FBXO8: variants seen among roughly 807,000 people sequenced by gnomAD.
FBXO8 encodes the protein F-box only protein 8.
In FBXO8, 15 loss-of-function variants were observed where a neutral mutation model predicts 33.4. That is an observed-to-expected ratio of 0.45 (90% CI 0.30 to 0.69). The LOEUF (loss-of-function observed/expected upper bound fraction) is 0.69. Among genes scored for constraint, FBXO8 ranks in the 30% least tolerant of loss-of-function variants. FBXO8 has a pLI of 0.08. For synonymous variants in FBXO8, 132 were observed against 131.5 expected (o/e 1.00, Z -0.02); for missense variants, 274 against 380.3 (o/e 0.72, Z 2.32).
At position 174,261,625 on chromosome 4, in the gene FBXO8, C is replaced by T. The variant is rs889331450; in HGVS notation, c.329+1139G>A. Among the ~76,000 whole-genome samples the T allele has an allele frequency of 1.3e-5, 2 of 151,898 alleles. No homozygotes were observed. The highest frequency in any genetic ancestry group is 6.6e-5 in the Admixed American group (1 of 15,246). ...ACTCCTCATTAACAGAATTTCCTCTCACGTAGTACTTTCACTATGTCAAAC... is the reference window on the plus strand; with the variant it reads ...ACTCCTCATTAACAGAATTTCCTCTTACGTAGTACTTTCACTATGTCAAAC... On this transcript the variant is annotated intron_variant, in intron 2 of 5. Coordinates refer to ENST00000393674, the MANE Select transcript of FBXO8 (RefSeq NM_012180.3). This position sits in a 1 kb window ranked among gnomAD's most constrained non-coding sequence, Gnocchi z 4.1.
In FBXO8 at chr4:174,265,711, A is replaced by C. The variant is rs539085653; in HGVS notation, c.-8-2611T>G. Among the ~76,000 whole-genome samples, 55 of 152,320 alleles carry C rather than the reference A, an allele frequency of 3.6e-4. No homozygotes were observed. The South Asian group carries it at 5.0e-3, about 14-fold the overall frequency. ...CGTACAAAAAATAGAGAATGTCAAC[A>C]AAAAATTATAAGTACAAGTTTTATA... On this transcript the variant is annotated intron_variant, in intron 1 of 5. Transcript: ENST00000393674. The surrounding 1 kb of genome is among the most constrained non-coding windows in gnomAD (Gnocchi z 4.7).
Position 174,262,214 on chromosome 4 carries a change from C to T in FBXO8, c.329+550G>A, listed in dbSNP as rs1317516109. Reference sequence around the variant, plus strand: ...AATATTTGCCTACTTCATTGAAATGCTGGTTAGAAAAAAAAAGTAGATAAA... The same window carrying T: ...AATATTTGCCTACTTCATTGAAATGTTGGTTAGAAAAAAAAAGTAGATAAA... On this transcript the variant is annotated intron_variant, in intron 2 of 5. Coordinates refer to ENST00000393674, the MANE Select transcript of FBXO8 (RefSeq NM_012180.3). This position sits in a 1 kb window ranked among gnomAD's most constrained non-coding sequence, Gnocchi z 4.6. Among the ~76,000 whole-genome samples, 2 of 151,798 alleles carry T rather than the reference C, an allele frequency of 1.3e-5. No individual in the cohort carries two copies. The highest frequency in any genetic ancestry group is 2.4e-5 in the African/African-American group (1 of 41,300).
chr4:174,253,424 T>C lies in FBXO8; in HGVS notation c.456+6275A>G, dbSNP rs2332836. Among the ~76,000 whole-genome samples, 53,518 of 151,992 alleles carry C rather than the reference T, an allele frequency of 0.35. 10,844 individuals carry two copies. The highest frequency in any genetic ancestry group is 0.47 in the Non-Finnish European group (31,801 of 67,932). Reference sequence around the variant, plus strand: ...TTAAAATTTTGATATGTTTGCTTAGTAGCAGGAAGACCTAAACTGGCAAGA... The same window carrying C: ...TTAAAATTTTGATATGTTTGCTTAGCAGCAGGAAGACCTAAACTGGCAAGA... On this transcript the variant is annotated intron_variant, in intron 3 of 5. Transcript: ENST00000393674. The surrounding 1 kb of genome is among the most constrained non-coding windows in gnomAD (Gnocchi z 4.5).
In FBXO8 at chr4:174,277,257, A is replaced by G. The variant is rs534004947; in HGVS notation, c.-9+6153T>C. ...CTATGTTTTGTTTCCTATTCAAAAT[A>G]GTAGACTATTTCTTAAAAAGACTAA... On this transcript the variant is annotated intron_variant, in intron 1 of 5. Transcript: ENST00000393674. The surrounding 1 kb of genome is among the most constrained non-coding windows in gnomAD (Gnocchi z 4.9). Among the ~76,000 whole-genome samples, 135 of 152,316 alleles carry G rather than the reference A, an allele frequency of 8.9e-4. No homozygotes were observed. Among genetic ancestry groups the G allele is most frequent in the African/African-American group, 2.4e-3 (98 of 41,584 alleles).
In FBXO8 at chr4:174,277,011, T is replaced by C. The variant is rs772476314; in HGVS notation, c.-9+6399A>G. Among the ~76,000 whole-genome samples, 52 of 152,200 alleles carry C rather than the reference T, an allele frequency of 3.4e-4. 1 individual carries two copies. Among genetic ancestry groups the C allele is most frequent in the Non-Finnish European group, 5.1e-4 (35 of 68,028 alleles). ...TGTAGTTTCTGAAACAGCTATATTG[T>C]TCTGACATAATTTTGGATGTATTTT... On this transcript the variant is annotated intron_variant, in intron 1 of 5. Transcript: ENST00000393674. This position sits in a 1 kb window ranked among gnomAD's most constrained non-coding sequence, Gnocchi z 4.9.
Position 174,277,553 on chromosome 4 carries a change from G to A in FBXO8, c.-9+5857C>T, listed in dbSNP as rs944281593. On this transcript the variant is annotated intron_variant, in intron 1 of 5. Transcript: ENST00000393674. This position sits in a 1 kb window ranked among gnomAD's most constrained non-coding sequence, Gnocchi z 4.9. ...AGATGGCAAGAATAGAAAGGAGTCC[G>A]GATGTCTCAAAAAAGCATTCTGCTT... Among the ~76,000 whole-genome samples, 2 of 152,100 alleles carry A rather than the reference G, an allele frequency of 1.3e-5. No individual in the cohort carries two copies. Among genetic ancestry groups the A allele is most frequent in the African/African-American group, 2.4e-5 (1 of 41,450 alleles).
chr4:174,272,625 TAGAA>T lies in FBXO8; in HGVS notation c.-8-9529_-8-9526del, dbSNP rs986327140. Among the ~76,000 whole-genome samples the T allele has an allele frequency of 1.4e-4, 22 of 152,164 alleles. No homozygotes were observed. The South Asian group carries it at 3.9e-3, about 27-fold the overall frequency. On this transcript the variant is annotated intron_variant, in intron 1 of 5. Transcript: ENST00000393674. The surrounding 1 kb of genome is among the most constrained non-coding windows in gnomAD (Gnocchi z 4.7). ...AGAGTAGAATTCTAATTAAAGAAGA[TAGAA>T]AGAATAATGTAGTTAGAAAAATTAT...
At position 174,265,268 on chromosome 4, in the gene FBXO8, TA is replaced by T. The variant is rs1316485472; in HGVS notation, c.-8-2169del. On this transcript the variant is annotated intron_variant, in intron 1 of 5. Transcript: ENST00000393674. The surrounding 1 kb of genome is among the most constrained non-coding windows in gnomAD (Gnocchi z 4.7). ...CTTTTTATTTAGGTATTTACCTAAT[TA>T]AAAGCTTTTTATTTAGGTATTTACC... is the stretch of plus-strand genomic sequence containing the variant. Among the ~76,000 whole-genome samples, 2 of 95,224 alleles carry T rather than the reference TA, an allele frequency of 2.1e-5. No homozygotes were observed. Among genetic ancestry groups the T allele is most frequent in the Non-Finnish European group, 4.9e-5 (2 of 40,926 alleles). The allele number at this position is 95,224 out of a possible 152,430, so 62.5% of individuals were successfully genotyped here. A position where few individuals can be genotyped will look rare whatever the true frequency, so the allele number is the denominator to read the frequency against.
intron 3 of FBXO8, among the ~76,000 whole-genome samples, chr4:174,243,317 A>G (rs1167708578): frequency 1.3e-5 from 2 of 151,410 alleles, no homozygotes; most frequent in African/African-American, 2.4e-5. Context: ...AGCCAACTCT[A>G]TTGGTTTTAT....
At position 174,259,648 on chromosome 4, in the gene FBXO8, C is replaced by T. The variant is rs755849925; in HGVS notation, c.456+51G>A. The T allele has an allele frequency of 3.2e-6, 5 of 1,574,690 alleles. No homozygotes were observed. Among genetic ancestry groups the T allele is most frequent in the Non-Finnish European group, 3.4e-6 (4 of 1,167,346 alleles). ...AGTTTATGATATTGGAAAGCTGCAG[C>T]AAGATAGTAATAAAGGTCACTGGAT... is the stretch of plus-strand genomic sequence containing the variant. On this transcript the variant is annotated intron_variant, in intron 3 of 5. Coordinates refer to ENST00000393674, the MANE Select transcript of FBXO8 (RefSeq NM_012180.3). The surrounding 1 kb of genome is among the most constrained non-coding windows in gnomAD (Gnocchi z 4.3).
In FBXO8 at chr4:174,259,697, A is replaced by G. The variant is rs768787361; in HGVS notation, c.456+2T>C. 6.2e-7 allele frequency: 1 copy of G among 1,607,816 alleles called. No individual in the cohort carries two copies. The highest frequency in any genetic ancestry group is 2.2e-5 in the East Asian group (1 of 44,742). On this transcript the variant is annotated splice_donor_variant, in intron 3 of 5. Coordinates refer to ENST00000393674, the MANE Select transcript of FBXO8 (RefSeq NM_012180.3). LOFTEE classifies it high-confidence loss of function. This position sits in a 1 kb window ranked among gnomAD's most constrained non-coding sequence, Gnocchi z 4.3. ...ATACAAATATTCAAGTTCTTCACTA[A>G]CCTCATCTGGGTTGGCATTAAAGGT...
At chr4:174,282,656 A>C (rs1318192824) in intron 1 of FBXO8, among the ~76,000 whole-genome samples, 2 of 152,202 alleles carry the variant, frequency 1.3e-5, no homozygotes, top group African/African-American at 4.8e-5. Context: ...AATAGAAAAC[A>C]TAAATTGTCT....
Position 174,254,146 on chromosome 4 carries a change from G to A in FBXO8, c.456+5553C>T, listed in dbSNP as rs1055639016. On this transcript the variant is annotated intron_variant, in intron 3 of 5. Coordinates refer to ENST00000393674, the MANE Select transcript of FBXO8 (RefSeq NM_012180.3). This position sits in a 1 kb window ranked among gnomAD's most constrained non-coding sequence, Gnocchi z 4.2. ...CATAAAATGTGGAACATGCTGAGTCGAGCAGCATAATGAAGGGTGCTGAGA... is the reference window on the plus strand; with the variant it reads ...CATAAAATGTGGAACATGCTGAGTCAAGCAGCATAATGAAGGGTGCTGAGA... Among the ~76,000 whole-genome samples, 8 of 152,270 alleles carry A rather than the reference G, an allele frequency of 5.3e-5. No individual in the cohort carries two copies. Among genetic ancestry groups the A allele is most frequent in the East Asian group, 1.9e-4 (1 of 5,182 alleles).
rs532657805 is a variant in FBXO8, at chr4:174,281,960, T to C, written c.-9+1450A>G. On this transcript the variant is annotated intron_variant, in intron 1 of 5. Transcript: ENST00000393674. This position sits in a 1 kb window ranked among gnomAD's most constrained non-coding sequence, Gnocchi z 4.6. ...TAGTATTAATGATTTTGATGCATTA[T>C]CATGGGTCAGTCAATGGAATAGTGC... Among the ~76,000 whole-genome samples the C allele has an allele frequency of 6.6e-6, 1 of 152,324 alleles. No homozygotes were observed. Among genetic ancestry groups the C allele is most frequent in the African/African-American group, 2.4e-5 (1 of 41,572 alleles).
chr4:174,270,812 C>T lies in FBXO8; in HGVS notation c.-8-7712G>A, dbSNP rs979683106. ...TGTATTTTTAGTAGAGACGGAGTTTCACCATGTTGGCCAGGATGGTCTACG... is the reference window on the plus strand; with the variant it reads ...TGTATTTTTAGTAGAGACGGAGTTTTACCATGTTGGCCAGGATGGTCTACG... On this transcript the variant is annotated intron_variant, in intron 1 of 5. Transcript: ENST00000393674. The surrounding 1 kb of genome is among the most constrained non-coding windows in gnomAD (Gnocchi z 4.6). Among the ~76,000 whole-genome samples the T allele has an allele frequency of 3.4e-4, 51 of 152,202 alleles. No homozygotes were observed. The highest frequency in any genetic ancestry group is 1.2e-3 in the African/African-American group (51 of 41,536).
chr4:174,255,984 C>T lies in FBXO8; in HGVS notation c.456+3715G>A, dbSNP rs1184741903. ...TCAAGACGTTACATACAGCTGAGAT[C>T]ACAATGTCATGCATAGTACAACAGC... On this transcript the variant is annotated intron_variant, in intron 3 of 5. Coordinates refer to ENST00000393674, the MANE Select transcript of FBXO8 (RefSeq NM_012180.3). This position sits in a 1 kb window ranked among gnomAD's most constrained non-coding sequence, Gnocchi z 4.3. 2 of 403,716 alleles carry T rather than the reference C, an allele frequency of 5.0e-6. No individual in the cohort carries two copies. The highest frequency in any genetic ancestry group is 1.0e-5 in the Non-Finnish European group (2 of 199,404). The allele number at this position is 403,716 out of a possible 1,614,324, so 25.0% of individuals were successfully genotyped here.
chr4:174,238,040 C>T (rs1177727421), intron 5 of FBXO8, among the ~76,000 whole-genome samples: 9 of 151,864 alleles, frequency 5.9e-5, no homozygotes. Flanking sequence ...AGAATGCTTT[C>T]ATAAAAACCT....
chr4:174,256,320 T>C lies in FBXO8; in HGVS notation c.456+3379A>G, dbSNP rs1736413829. ...TTTAAACGTATCATCAAAACTAATT[T>C]ACTGCTCAGAGTTAAATGAACCTAA... On this transcript the variant is annotated intron_variant, in intron 3 of 5. Transcript: ENST00000393674. The surrounding 1 kb of genome is among the most constrained non-coding windows in gnomAD (Gnocchi z 4.6). Among the ~76,000 whole-genome samples, 1 of 152,182 alleles carries C rather than the reference T, an allele frequency of 6.6e-6. No individual in the cohort carries two copies. Among genetic ancestry groups the C allele is most frequent in the African/African-American group, 2.4e-5 (1 of 41,446 alleles).
chr4:174,237,733 TC>T lies in FBXO8; in HGVS notation c.773-135del. 1.4e-6 allele frequency: 1 copy of T among 716,758 alleles called. No individual in the cohort carries two copies. The allele number at this position is 716,758 out of a possible 1,614,324, so 44.4% of individuals were successfully genotyped here. ...TCATAAATACAGAGTGACCAATCCA[TC>T]CCAGTTTGTCTAGACTCTTCCCAGT... On this transcript the variant is annotated intron_variant, in intron 5 of 5. Coordinates refer to ENST00000393674, the MANE Select transcript of FBXO8 (RefSeq NM_012180.3). The surrounding 1 kb of genome is among the most constrained non-coding windows in gnomAD (Gnocchi z 4.4).
Sources: gnomAD v4.1 joint callset for allele counts (sites outside exome capture counted in the v4.1 genomes callset) on GRCh38, gnomAD v4.1.1 for gene constraint, Gnocchi (gnomAD v3.1) non-coding constraint, MANE v1.5 for transcripts, NCBI Gene and HGNC (gene_info 2026-07-23, HGNC 2026-07-21) for gene names.